The following FOXO1 variants were observed in gnomAD, a reference collection of about 807,000 sequenced individuals.
The protein encoded by FOXO1 is forkhead box protein O1.
In FOXO1, 6 loss-of-function variants were observed where a neutral mutation model predicts 44.1. The ratio of observed to expected loss-of-function variants is 0.14; its 90% CI spans 0.07 to 0.27. The LOEUF is 0.27. Among genes scored for constraint, FOXO1 ranks in the 10% least tolerant of loss-of-function variants. The probability of loss-of-function intolerance (pLI) is 1.00; values close to 1 mark genes in which losing one functional copy is unlikely to be tolerated. For synonymous variants in FOXO1, 380 were observed against 362.7 expected, an observed-to-expected ratio of 1.05 and a Z score of -0.54; for missense variants, 737 against 888.8, an observed-to-expected ratio of 0.83 and a Z score of 2.17.
intron 1 of FOXO1, among the ~76,000 whole-genome samples, chr13:40,579,258 T>G (rs1355633206): frequency 6.6e-6 from 1 of 152,140 alleles, no homozygotes; most frequent in East Asian, 1.9e-4. Context: ...CCTAGGTAGC[T>G]CAGAAAGCCC....
intron 1 of FOXO1, among the ~76,000 whole-genome samples, chr13:40,654,374 C>T (rs1216027664): frequency 2.9e-5 from 4 of 137,606 alleles, no homozygotes; most frequent in African/African-American, 8.2e-5. Context: ...TGGTGGTGGC[C>T]GCCTGTAATC....
Position 40,557,192 on chromosome 13 carries a change from G to C in FOXO1, c.*1857C>G. The C allele has an allele frequency of 6.6e-6, 1 of 152,180 alleles. No homozygotes were observed. Among genetic ancestry groups the C allele is most frequent in the Non-Finnish European group, 1.5e-5 (1 of 68,032 alleles). 9.4% of individuals were successfully genotyped at this position (152,180 alleles called of 1,614,324 possible). On this transcript the variant is annotated 3_prime_UTR_variant, in exon 3 of 3. Coordinates refer to ENST00000379561, the MANE Select transcript of FOXO1 (RefSeq NM_002015.4). ...GCAAGTGTGATGTGGGCTATATACA[G>C]AAAAATTAGATCCTTCTCAAGAACA...
intron 1 of FOXO1, among the ~76,000 whole-genome samples, chr13:40,662,577 T>C (rs1191086709): frequency 6.6e-6 from 1 of 152,192 alleles, no homozygotes; most frequent in African/African-American, 2.4e-5. Context: ...AAACACAAAA[T>C]GCATATCCTT....
intron 1 of FOXO1, among the ~76,000 whole-genome samples, chr13:40,661,527 G>A (rs112974059): frequency 6.6e-6 from 1 of 152,028 alleles, no homozygotes; most frequent in Non-Finnish European, 1.5e-5. Flanking sequence ...GAACTCCTGA[G>A]CTCAGGCAAT....
At chr13:40,566,568 C>A (rs1282588934) in intron 1 of FOXO1, among the ~76,000 whole-genome samples, 3 of 151,864 alleles carry the variant, frequency 2.0e-5, no homozygotes, top group Non-Finnish European at 4.4e-5. Flanking sequence ...TTAGTACAGG[C>A]GGGGTTTCAC....
At chr13:40,614,334 A>G (rs1046814673) in intron 1 of FOXO1, among the ~76,000 whole-genome samples, 13 of 152,196 alleles carry the variant, frequency 8.5e-5, no homozygotes, top group Admixed American at 2.0e-4. Flanking sequence ...TCAGAAAGTC[A>G]AGAGCACTGC....
intron 1 of FOXO1, among the ~76,000 whole-genome samples, chr13:40,598,589 TGGTTC>T (rs1875685439): frequency 6.6e-6 from 1 of 152,220 alleles, no homozygotes; most frequent in South Asian, 2.1e-4. Flanking sequence ...TACATATATG[TGGTTC>T]ACAAGGTCAC....
In FOXO1 at chr13:40,556,024, G is replaced by C. The variant is rs763945786; in HGVS notation, c.*3025C>G. The C allele has an allele frequency of 6.6e-6, 1 of 152,202 alleles. No homozygotes were observed. The highest frequency in any genetic ancestry group is 1.5e-5 in the Non-Finnish European group (1 of 68,030). 9.4% of individuals were successfully genotyped at this position (152,202 alleles called of 1,614,324 possible). A position where few individuals can be genotyped will look rare whatever the true frequency, so the allele number is the denominator to read the frequency against. On this transcript the variant is annotated 3_prime_UTR_variant, in exon 3 of 3. Transcript: ENST00000379561. ...ACTGTAATGCCAGGTTGGTCTGTTC[G>C]CATAAACCACAATACATTTTTTTTA...
At chr13:40,561,378 T>C (rs1874012039) in intron 1 of FOXO1, among the ~76,000 whole-genome samples, 2 of 150,062 alleles carry the variant, frequency 1.3e-5, no homozygotes, top group Non-Finnish European at 3.0e-5. Flanking sequence ...AAATTCTATA[T>C]CTTAATTTAA....
chr13:40,576,934 C>A (rs560387707), intron 1 of FOXO1, among the ~76,000 whole-genome samples: 2 of 152,196 alleles, frequency 1.3e-5, no homozygotes, highest in Non-Finnish European at 2.9e-5. Context: ...CTAGGCTCAA[C>A]TATAACATCT....
At chr13:40,619,531 T>A in intron 1 of FOXO1, 1 of 1,357,500 alleles carries the variant, frequency 7.4e-7, no homozygotes, top group Non-Finnish European at 1.1e-6. Flanking sequence ...AAATAGAGGA[T>A]CTGAAATTCA....
intron 1 of FOXO1, among the ~76,000 whole-genome samples, chr13:40,625,149 T>G (rs1314927057): frequency 2.0e-5 from 3 of 152,132 alleles, no homozygotes; most frequent in Non-Finnish European, 4.4e-5. Flanking sequence ...AAAACACAAA[T>G]TAACATATTA....
At chr13:40,623,872 C>A (rs1054194405) in intron 1 of FOXO1, among the ~76,000 whole-genome samples, 1 of 147,980 alleles carries the variant, frequency 6.8e-6, no homozygotes, top group Non-Finnish European at 1.5e-5. Flanking sequence ...GAAGCTGAGG[C>A]AGGAGGAGTT....
intron 1 of FOXO1, among the ~76,000 whole-genome samples, chr13:40,570,468 A>G (rs1874447279): frequency 6.6e-6 from 1 of 152,212 alleles, no homozygotes; most frequent in Non-Finnish European, 1.5e-5. Context: ...ACTAGCCCAC[A>G]AGACCGGGGG....
chr13:40,611,094 A>G (rs1161201190), intron 1 of FOXO1: 2 of 456,174 alleles, frequency 4.4e-6, no homozygotes, highest in Admixed American at 4.7e-5. Context: ...ATTCAGTGGC[A>G]TCAATACTGC....
chr13:40,661,400 C>A (rs1476992918), intron 1 of FOXO1, among the ~76,000 whole-genome samples: 1 of 151,948 alleles, frequency 6.6e-6, no homozygotes, highest in Non-Finnish European at 1.5e-5. Flanking sequence ...CTCAGCCTCC[C>A]GAGTAGTTGG....
At chr13:40,569,098 T>G (rs559809991) in intron 1 of FOXO1, among the ~76,000 whole-genome samples, 2 of 152,306 alleles carry the variant, frequency 1.3e-5, no homozygotes, top group South Asian at 2.1e-4. Flanking sequence ...CTAACTCTAG[T>G]CAGTCATTCC....
intron 1 of FOXO1, among the ~76,000 whole-genome samples, chr13:40,568,517 T>C (rs1349716628): frequency 1.3e-5 from 2 of 152,240 alleles, no homozygotes; most frequent in Non-Finnish European, 2.9e-5. Flanking sequence ...TCCATTTTGT[T>C]TGCAAACAGA....
At chr13:40,576,993 T>G (rs529318805) in intron 1 of FOXO1, among the ~76,000 whole-genome samples, 2 of 152,226 alleles carry the variant, frequency 1.3e-5, no homozygotes, top group African/African-American at 4.8e-5. Context: ...AATAATGGCC[T>G]ACAATGTAAC....
Sources: gnomAD v4.1 joint callset for allele counts (sites outside exome capture counted in the v4.1 genomes callset) on GRCh38, gnomAD v4.1.1 for gene constraint, MANE v1.5 for transcripts, NCBI Gene and HGNC (gene_info 2026-07-23, HGNC 2026-07-21) for gene names.